The following EIF4G3 variants were observed in gnomAD, a reference collection of about 807,000 sequenced individuals.
EIF4G3 encodes eukaryotic translation initiation factor 4 gamma 3.
In EIF4G3, 34 loss-of-function variants were observed where a neutral mutation model predicts 186.4. The observed-to-expected ratio is 0.18, with a 90% CI of 0.14 to 0.24. The LOEUF (loss-of-function observed/expected upper bound fraction) is 0.24, where lower values mean the gene tolerates loss of function less well. Ranked by LOEUF, EIF4G3 falls within the 10% of genes least tolerant of loss-of-function variation. The pLI is 1.00. For missense variants in EIF4G3, 1,536 were observed against 1,948.5 expected, an observed-to-expected ratio of 0.79 and a Z score of 3.99; for synonymous variants, 673 against 679.5, an observed-to-expected ratio of 0.99 and a Z score of 0.15.
chr1:21,168,067 A>ATATT (rs1216747952), intron 2 of EIF4G3: 4 of 470,500 alleles, frequency 8.5e-6, no homozygotes, highest in Non-Finnish European at 1.8e-5. Flanking sequence ...ATAAACAAAA[A>ATATT]GTTCACTTAT....
intron 12 of EIF4G3, among the ~76,000 whole-genome samples, chr1:20,966,140 C>T (rs2074598895): frequency 6.6e-6 from 1 of 152,148 alleles, no homozygotes; most frequent in Admixed American, 6.5e-5. Flanking sequence ...GGACTTCCCT[C>T]GGTGATAGGG....
chr1:21,088,548 G>GA (rs1355809853), intron 3 of EIF4G3, among the ~76,000 whole-genome samples: 5 of 151,712 alleles, frequency 3.3e-5, no homozygotes, highest in African/African-American at 7.3e-5. Context: ...AAATTTTTAA[G>GA]AAAAAAAATC....
At chr1:21,176,651 C>G (rs1177305856) in intron 1 of EIF4G3, 71 bp downstream of exon 1, 1 of 464,338 alleles carries the variant, frequency 2.2e-6, no homozygotes, top group Non-Finnish European at 3.9e-6. Flanking sequence ...CACCGGCTGC[C>G]GGTCTCCGTG....
intron 2 of EIF4G3, among the ~76,000 whole-genome samples, chr1:21,160,887 A>T (rs1240380052): frequency 6.6e-6 from 1 of 152,210 alleles, no homozygotes. Context: ...ATGGCAGGAA[A>T]AGCATTTAGA....
At chr1:20,876,317 G>T (rs927621953) in intron 20 of EIF4G3, among the ~76,000 whole-genome samples, 4 of 148,450 alleles carry the variant, frequency 2.7e-5, no homozygotes, top group Non-Finnish European at 5.9e-5. Context: ...GAGAGATAGA[G>T]AGAGAAGAGA....
chr1:21,107,086 T>C (rs1031748517), intron 2 of EIF4G3, among the ~76,000 whole-genome samples: 3 of 152,166 alleles, frequency 2.0e-5, no homozygotes, highest in Non-Finnish European at 4.4e-5. Flanking sequence ...AGAAATAATA[T>C]ATTCAGAGCA....
intron 15 of EIF4G3, among the ~76,000 whole-genome samples, chr1:20,903,461 G>T (rs759880243): frequency 3.3e-5 from 5 of 152,130 alleles, no homozygotes; most frequent in Non-Finnish European, 5.9e-5. Context: ...TAAAAAGAAA[G>T]AAGTTAATGA....
At chr1:20,905,706 A>G (rs949138784) in intron 14 of EIF4G3, among the ~76,000 whole-genome samples, 8 of 152,242 alleles carry the variant, frequency 5.3e-5, no homozygotes, top group African/African-American at 1.9e-4. Flanking sequence ...AGTGAAAGAC[A>G]TTTTAACCAT....
intron 4 of EIF4G3, among the ~76,000 whole-genome samples, chr1:21,019,270 T>C (rs1418501453): frequency 6.6e-6 from 1 of 152,260 alleles, no homozygotes; most frequent in Non-Finnish European, 1.5e-5. Context: ...TCAAGAGCAC[T>C]TATTCAATTT....
intron 14 of EIF4G3, among the ~76,000 whole-genome samples, chr1:20,940,161 G>C (rs551270833): frequency 6.6e-6 from 1 of 152,074 alleles, no homozygotes; most frequent in South Asian, 2.1e-4. Context: ...CGGCCCCAAG[G>C]CTGTTTTTCT....
chr1:20,810,932 GAATTATCT>G lies in EIF4G3; in HGVS notation c.4598-56_4598-49del. 1.3e-6 allele frequency: 2 copies of G among 1,544,834 alleles called. No individual in the cohort carries two copies. The highest frequency in any genetic ancestry group is 1.8e-6 in the Non-Finnish European group (2 of 1,134,878). On this transcript the variant is annotated intron_variant, in intron 35 of 36. Coordinates refer to ENST00000602326, the MANE Select transcript of EIF4G3 (RefSeq NM_001391906.1). The surrounding 1 kb of genome is among the most constrained non-coding windows in gnomAD (Gnocchi z 4.1). ...GAATTACATTTAAGGAGTTAACATA[GAATTATCT>G]TTAATTTTCTTTCTTTTTTCTTTTT...
chr1:20,828,006 G>A (rs1271920051), intron 31 of EIF4G3, among the ~76,000 whole-genome samples: 2 of 151,866 alleles, frequency 1.3e-5, no homozygotes, highest in African/African-American at 2.4e-5. Flanking sequence ...TTAGGTAACA[G>A]GGAGTTGTGA....
chr1:20,895,585 AAACTGCATATAC>A (rs1418352166), intron 16 of EIF4G3, 84 bp from the exon 17 acceptor site: 33 of 1,425,394 alleles, frequency 2.3e-5, no homozygotes, highest in African/African-American at 1.8e-4. Context: ...GATCAATAAC[AAACTGCATATAC>A]AACTGCATAT....
At chr1:20,850,971 A>G (rs2154550431) in intron 28 of EIF4G3, among the ~76,000 whole-genome samples, 1 of 152,280 alleles carries the variant, frequency 6.6e-6, no homozygotes, top group Non-Finnish European at 1.5e-5. Context: ...CAAGTGTGGG[A>G]TGTTACAGGG....
chr1:20,835,863 G>A (rs1343709973), intron 30 of EIF4G3, among the ~76,000 whole-genome samples: 1 of 151,974 alleles, frequency 6.6e-6, no homozygotes, highest in Non-Finnish European at 1.5e-5. Context: ...CTTGAGCCCA[G>A]GAGGTTGAGG....
intron 2 of EIF4G3, among the ~76,000 whole-genome samples, chr1:21,142,264 T>G (rs1159977599): frequency 6.6e-6 from 1 of 151,162 alleles, no homozygotes; most frequent in Non-Finnish European, 1.5e-5. Flanking sequence ...TTTTGGGAGG[T>G]TGCGGTGGGT....
chr1:21,158,740 T>C (rs1349961722), intron 2 of EIF4G3, among the ~76,000 whole-genome samples: 2 of 151,648 alleles, frequency 1.3e-5, no homozygotes, highest in Non-Finnish European at 2.9e-5. Context: ...TACATATACA[T>C]ACACACACAC....
intron 4 of EIF4G3, among the ~76,000 whole-genome samples, chr1:21,021,308 T>C (rs2090615850): frequency 6.6e-6 from 1 of 152,106 alleles, no homozygotes; most frequent in Non-Finnish European, 1.5e-5. Context: ...GACTCTAGCT[T>C]CCCTTTCCCT....
intron 4 of EIF4G3, among the ~76,000 whole-genome samples, chr1:21,017,786 A>G (rs2089615454): frequency 6.6e-6 from 1 of 152,032 alleles, no homozygotes; most frequent in African/African-American, 2.4e-5. Flanking sequence ...CCTGTAAATA[A>G]TGTAATTCTC....
Sources: gnomAD v4.1 joint callset for allele counts (sites outside exome capture counted in the v4.1 genomes callset) on GRCh38, gnomAD v4.1.1 for gene constraint, Gnocchi (gnomAD v3.1) non-coding constraint, MANE v1.5 for transcripts, NCBI Gene and HGNC (gene_info 2026-07-23, HGNC 2026-07-21) for gene names.